CSMD1: variants seen among roughly 807,000 people sequenced by gnomAD.
The protein encoded by CSMD1 is CUB and sushi domain-containing protein 1.
A neutral mutation model predicts 417.5 loss-of-function variants in CSMD1; 213 were observed. The ratio of observed to expected loss-of-function variants is 0.51; its 90% CI spans 0.46 to 0.57. The LOEUF is 0.57. Ranked by LOEUF, CSMD1 falls within the 20% of genes least tolerant of loss-of-function variation. CSMD1 has a pLI of 0.00. For synonymous variants in CSMD1, 2,862 were observed against 1,736.8 expected (o/e 1.65, Z -16.11); for missense variants, 6,923 against 4,529.7 (o/e 1.53, Z -15.17).
chr8:3,911,129 C>G (rs573315496), intron 5 of CSMD1, among the ~76,000 whole-genome samples: 29 of 152,232 alleles, frequency 1.9e-4, no homozygotes, highest in African/African-American at 7.0e-4. Flanking sequence ...GGTTGCCAAT[C>G]ACAGGACTCA....
chr8:2,969,378 A>G (rs1298106681), intron 57 of CSMD1, among the ~76,000 whole-genome samples: 1 of 152,210 alleles, frequency 6.6e-6, no homozygotes, highest in African/African-American at 2.4e-5. Flanking sequence ...ACTTCATGAG[A>G]TAGATCCATT....
intron 2 of CSMD1, among the ~76,000 whole-genome samples, chr8:4,562,796 T>A (rs1798406768): frequency 6.6e-6 from 1 of 152,150 alleles, no homozygotes; most frequent in African/African-American, 2.4e-5. Flanking sequence ...GTATATCATA[T>A]AAATAAATAC....
At chr8:4,212,341 A>G (rs1359497054) in intron 3 of CSMD1, among the ~76,000 whole-genome samples, 1 of 152,156 alleles carries the variant, frequency 6.6e-6, no homozygotes, top group Non-Finnish European at 1.5e-5. Flanking sequence ...TAACTTGAAG[A>G]AAATCCCACC....
intron 3 of CSMD1, among the ~76,000 whole-genome samples, chr8:4,054,412 A>AC (rs2130708673): frequency 6.6e-6 from 1 of 152,170 alleles, no homozygotes; most frequent in South Asian, 2.1e-4. Flanking sequence ...CTAGCTAGGC[A>AC]CCCATCATAC....
At chr8:3,767,175 C>G (rs1351697870) in intron 5 of CSMD1, among the ~76,000 whole-genome samples, 1 of 152,218 alleles carries the variant, frequency 6.6e-6, no homozygotes, top group South Asian at 2.1e-4. Context: ...CTTCTTAGGT[C>G]ACGCTGCCAT....
chr8:4,929,242 A>T (rs1458534447), intron 1 of CSMD1, among the ~76,000 whole-genome samples: 1 of 152,132 alleles, frequency 6.6e-6, no homozygotes, highest in Non-Finnish European at 1.5e-5. Flanking sequence ...CCAGCGAGAG[A>T]GGCTGCAGAG....
At chr8:3,823,052 A>G (rs1328903255) in intron 5 of CSMD1, among the ~76,000 whole-genome samples, 7 of 152,270 alleles carry the variant, frequency 4.6e-5, no homozygotes, top group African/African-American at 1.4e-4. Flanking sequence ...TATGATTTCT[A>G]TGGTTCCGGA....
At chr8:4,397,906 A>G (rs2128927318) in intron 3 of CSMD1, among the ~76,000 whole-genome samples, 2 of 152,262 alleles carry the variant, frequency 1.3e-5, no homozygotes, top group East Asian at 3.9e-4. Flanking sequence ...AATTGTCACA[A>G]TTTTAAGCTT....
chr8:4,326,415 G>C (rs757325193), intron 3 of CSMD1, among the ~76,000 whole-genome samples: 3 of 152,092 alleles, frequency 2.0e-5, no homozygotes, highest in Non-Finnish European at 4.4e-5. Context: ...AAAAAGATGG[G>C]AAAACCAATT....
chr8:4,083,487 A>G (rs543814071), intron 3 of CSMD1, among the ~76,000 whole-genome samples: 8 of 152,314 alleles, frequency 5.3e-5, no homozygotes, highest in African/African-American at 1.4e-4. Context: ...TGGTACCAAA[A>G]CAGAGATATA....
At chr8:4,106,768 A>G (rs1801589512) in intron 3 of CSMD1, among the ~76,000 whole-genome samples, 1 of 152,190 alleles carries the variant, frequency 6.6e-6, no homozygotes, top group African/African-American at 2.4e-5. Flanking sequence ...GCTAGTGATC[A>G]GCGGCCACAG....
rs867141201 is a variant in CSMD1, at chr8:3,928,562, G to C, written c.818+69341C>G. On this transcript the variant is annotated intron_variant, in intron 5 of 69. Coordinates refer to ENST00000635120, the MANE Select transcript of CSMD1 (RefSeq NM_033225.6). ...TTTGTAGGCTTCGGTACTGTACTAAGTTCAGATCTACAAGTAGTTCCATCC... is the reference window on the plus strand; with the variant it reads ...TTTGTAGGCTTCGGTACTGTACTAACTTCAGATCTACAAGTAGTTCCATCC... Among the ~76,000 whole-genome samples the C allele has an allele frequency of 3.0e-4, 41 of 135,994 alleles. 1 individual carries two copies. The highest frequency in any genetic ancestry group is 1.0e-3 in the African/African-American group (38 of 36,298). The allele number at this position is 135,994 out of a possible 152,430, so 89.2% of individuals were successfully genotyped here.
At chr8:4,544,007 A>G (rs1459434792) in intron 2 of CSMD1, among the ~76,000 whole-genome samples, 3 of 152,108 alleles carry the variant, frequency 2.0e-5, no homozygotes, top group Non-Finnish European at 4.4e-5. Flanking sequence ...ACATTTAATT[A>G]TATATTTTCG....
chr8:3,073,450 G>C (rs1052074993), intron 49 of CSMD1, among the ~76,000 whole-genome samples: 14 of 152,194 alleles, frequency 9.2e-5, no homozygotes, highest in African/African-American at 3.4e-4. Flanking sequence ...ATCACACTGA[G>C]ATCAACACAG....
intron 26 of CSMD1, among the ~76,000 whole-genome samples, chr8:3,281,263 T>G (rs1012485986): frequency 2.0e-5 from 3 of 152,002 alleles, no homozygotes; most frequent in Admixed American, 2.0e-4. Flanking sequence ...GACAGGATAA[T>G]GAAACCCTGT....
rs149983039 is a variant in CSMD1, at chr8:4,755,114, G to C, written c.86-117556C>G. Reference sequence around the variant, plus strand: ...TATGGTGCCACTGCACTCCAGCCTGGTGACAGAGGGACACTGTCTCAAATA... The same window carrying C: ...TATGGTGCCACTGCACTCCAGCCTGCTGACAGAGGGACACTGTCTCAAATA... On this transcript the variant is annotated intron_variant, in intron 1 of 69. Transcript: ENST00000635120. Among the ~76,000 whole-genome samples the C allele has an allele frequency of 5.1e-4, 77 of 152,322 alleles. 1 individual carries two copies. The East Asian group carries it at 0.014, about 27-fold the overall frequency.
intron 1 of CSMD1, among the ~76,000 whole-genome samples, chr8:4,790,309 A>G (rs1797624388): frequency 2.0e-5 from 3 of 152,320 alleles, no homozygotes; most frequent in Admixed American, 6.5e-5. Context: ...GAATTACAAA[A>G]CAGAAAGAAA....
At chr8:3,214,090 C>T (rs7832696) in intron 30 of CSMD1, among the ~76,000 whole-genome samples, 1 of 152,076 alleles carries the variant, frequency 6.6e-6, no homozygotes, top group South Asian at 2.1e-4. Context: ...GCGATCCACT[C>T]GCCTCAGCCT....
chr8:3,190,951 G>GT (rs1284802471), intron 33 of CSMD1, among the ~76,000 whole-genome samples: 1 of 152,226 alleles, frequency 6.6e-6, no homozygotes, highest in African/African-American at 2.4e-5. Context: ...TACAATGGTA[G>GT]TTACTGGGGG....
Sources: allele counts gnomAD v4.1 joint callset (sites outside exome capture counted in the v4.1 genomes callset), GRCh38; gene constraint gnomAD v4.1.1; transcripts MANE v1.5; gene names NCBI Gene and HGNC (gene_info 2026-07-23, HGNC 2026-07-21).